CHD1: variants seen among roughly 807,000 people sequenced by gnomAD.
CHD1 encodes chromodomain helicase DNA binding protein 1, also known as ATP-dependent chromatin remodeler CHD1.
A neutral mutation model predicts 224.2 loss-of-function variants in CHD1; 36 were observed. The observed-to-expected ratio is 0.16, with a 90% CI of 0.12 to 0.21. CHD1 has a LOEUF of 0.21. Ranked by LOEUF, CHD1 falls within the 10% of genes least tolerant of loss-of-function variation. CHD1 has a pLI of 1.00. For synonymous variants in CHD1, 668 were observed against 658.3 expected (o/e 1.01, Z -0.23); for missense variants, 1,378 against 1,994.8 (o/e 0.69, Z 5.89).
intron 1 of CHD1, among the ~76,000 whole-genome samples, chr5:98,926,934 A>G (rs992286926): frequency 1.4e-3 from 84 of 60,732 alleles, no homozygotes; most frequent in African/African-American, 2.3e-3. Context: ...GGGGGGTGGG[A>G]GGAGGTTACC....
intron 2 of CHD1, among the ~76,000 whole-genome samples, chr5:98,916,333 T>G (rs1752729223): frequency 6.6e-6 from 1 of 151,584 alleles, no homozygotes; most frequent in South Asian, 2.1e-4. Context: ...ACCACCTGAG[T>G]TCAGGAGTTC....
intron 10 of CHD1, among the ~76,000 whole-genome samples, chr5:98,897,832 A>G (rs569635084): frequency 1.3e-4 from 20 of 152,296 alleles, no homozygotes; most frequent in African/African-American, 4.1e-4. Context: ...ATACTTTCCT[A>G]TATCACTCTC....
Position 98,856,459 on chromosome 5 carries a change from T to C in CHD1, c.5054A>G (p.Tyr1685Cys), listed in dbSNP as rs369337999. The change falls in exon 36 of 36, where the codon TAT (tyrosine) becomes TGT (cysteine). Residue 1685 changes from tyrosine (Y) to cysteine (C), a missense_variant. Physicochemically the swap from Tyr to Cys is radical, Grantham distance 194. Coordinates refer to ENST00000614616, the MANE Select transcript of CHD1 (RefSeq NM_001270.4). ...PRSPLDQRSPYGSRSPFEHSV... is the reference protein window; with the variant it reads ...PRSPLDQRSPCGSRSPFEHSV... ...ATGTTCAAATGGAGATCTGGAGCCA[T>C]AAGGAGATCTCTGATCTAGTGGTGA... 2 of 1,598,236 alleles carry C rather than the reference T, an allele frequency of 1.3e-6. No individual in the cohort carries two copies. Among genetic ancestry groups the C allele is most frequent in the Non-Finnish European group, 1.7e-6 (2 of 1,172,412 alleles).
intron 5 of CHD1, 24 bp from the exon 6 acceptor site, chr5:98,901,359 T>G (rs1276413340): frequency 6.3e-7 from 1 of 1,582,648 alleles, no homozygotes; most frequent in Admixed American, 1.9e-5. Flanking sequence ...TTATAAAGTA[T>G]TTTTATTTGT....
At chr5:98,889,448 G>A (rs555825158) in intron 15 of CHD1, among the ~76,000 whole-genome samples, 1 of 152,100 alleles carries the variant, frequency 6.6e-6, no homozygotes. Flanking sequence ...GCTATACACA[G>A]AACAGGCTAA....
intron 15 of CHD1, 82 bp from the exon 16 acceptor site, chr5:98,889,320 A>T: frequency 9.6e-7 from 1 of 1,043,476 alleles, no homozygotes; most frequent in Non-Finnish European, 1.4e-6. Flanking sequence ...CAAACAAAAA[A>T]AGCCAACGAT....
chr5:98,902,936 T>C lies in CHD1; in HGVS notation c.401A>G (p.Asp134Gly), dbSNP rs1441275831. 2 of 1,605,960 alleles carry C rather than the reference T, an allele frequency of 1.2e-6. No homozygotes were observed. The highest frequency in any genetic ancestry group is 1.3e-5 in the African/African-American group (1 of 74,738). The part of the protein sequence containing the change: ...EDSSSSEDSD[D>G]SSSEVKRKKH... The stretch of plus-strand genomic sequence containing the variant: ...TTTCCTTTTGACCTCACTTGATGAG[T>C]CATCGGAATCTTCACTGCTAGAGGA... Residue 134 changes from aspartate to glycine, a missense_variant, in exon 5 of 36, where the codon GAC becomes GGC. Around this residue, in one of 16 missense-constraint regions of CHD1, gnomAD observed 306 missense variants for 298.1 expected, o/e 1.03. Coordinates refer to ENST00000614616, the MANE Select transcript of CHD1 (RefSeq NM_001270.4).
rs1224106514 is a variant in CHD1, at chr5:98,899,618, A to G, written c.947T>C (p.Ile316Thr). The change falls in exon 8 of 36, where the codon ATT becomes ACT. Residue 316 changes from isoleucine to threonine, a missense_variant. Ile to Thr is a moderately conservative substitution (Grantham distance 89). Coordinates refer to ENST00000614616, the MANE Select transcript of CHD1 (RefSeq NM_001270.4). Reference sequence around the variant, plus strand: ...TCCTTTCCATTTAATTAAATACTGAATCTCTCCTGGTTCTTTGTTTTTTTC... The same window carrying G: ...TCCTTTCCATTTAATTAAATACTGAGTCTCTCCTGGTTCTTTGTTTTTTTC... ...GFEKNKEPGE[I>T]QYLIKWKGWS... is the part of the protein sequence containing the mutation. 6.2e-7 allele frequency: 1 copy of G among 1,613,136 alleles called. No individual in the cohort carries two copies. The highest frequency in any genetic ancestry group is 8.5e-7 in the Non-Finnish European group (1 of 1,179,800).
chr5:98,891,638 C>T lies in CHD1; in HGVS notation c.2180+887G>A, dbSNP rs760611388. Among the ~76,000 whole-genome samples the T allele has an allele frequency of 2.2e-4, 34 of 152,150 alleles. No homozygotes were observed. The Middle Eastern group carries it at 0.01, about 46-fold the overall frequency. On this transcript the variant is annotated intron_variant, in intron 15 of 35. Coordinates refer to ENST00000614616, the MANE Select transcript of CHD1 (RefSeq NM_001270.4). ...TCAGCCTGGCCAGCATGGCAAAACC[C>T]TGTCTCTACTAAAAATAAAAAAATC...
At chr5:98,888,298 G>C in intron 16 of CHD1, 58 bp from the exon 17 acceptor site, 1 of 1,210,970 alleles carries the variant, frequency 8.3e-7, no homozygotes, top group Non-Finnish European at 1.1e-6. Flanking sequence ...AGTTGTCCAC[G>C]TAACACTTTA....
chr5:98,927,798 A>C (rs1488352175), intron 1 of CHD1, among the ~76,000 whole-genome samples: 7 of 151,642 alleles, frequency 4.6e-5, no homozygotes, highest in African/African-American at 7.3e-5. Context: ...TTCTCTGTAC[A>C]TTTTAACTTC....
intron 2 of CHD1, among the ~76,000 whole-genome samples, chr5:98,912,514 T>C (rs1241872381): frequency 1.3e-5 from 2 of 151,754 alleles, no homozygotes; most frequent in African/African-American, 2.4e-5. Context: ...CTACTAAAAA[T>C]ACAAAAATTA....
At chr5:98,903,050 T>G in intron 4 of CHD1, 86 bp from the exon 5 acceptor site, 1 of 708,270 alleles carries the variant, frequency 1.4e-6, no homozygotes, top group South Asian at 2.1e-5. Context: ...CTATTTAACA[T>G]TCACTTTACA....
intron 31 of CHD1, among the ~76,000 whole-genome samples, chr5:98,863,854 T>C (rs775024412): frequency 6.6e-6 from 1 of 152,164 alleles, no homozygotes; most frequent in Admixed American, 6.6e-5. Context: ...TCTACAAAAA[T>C]GGTTATTTTT....
chr5:98,911,484 T>G (rs1126253), intron 2 of CHD1, among the ~76,000 whole-genome samples: 1 of 151,854 alleles, frequency 6.6e-6, no homozygotes, highest in Non-Finnish European at 1.5e-5. Flanking sequence ...TAGGGGAAGT[T>G]TGCTGAGTAG....
At chr5:98,895,764 CA>C (rs1470765470) in intron 12 of CHD1, among the ~76,000 whole-genome samples, 1 of 150,032 alleles carries the variant, frequency 6.7e-6, no homozygotes, top group African/African-American at 2.4e-5. Flanking sequence ...AAAAACCCAC[CA>C]AAAAAACAGT....
intron 13 of CHD1, 95 bp from the exon 14 acceptor site, chr5:98,893,701 AAATT>A (rs1561519630): frequency 1.2e-6 from 1 of 800,800 alleles, no homozygotes; most frequent in Non-Finnish European, 2.0e-6. Context: ...AATGAAATAA[AAATT>A]AAAAACAAAC....
intron 29 of CHD1, among the ~76,000 whole-genome samples, chr5:98,870,124 A>C (rs563601340): frequency 1.0e-3 from 157 of 152,322 alleles, no homozygotes; most frequent in Non-Finnish European, 2.0e-3. Flanking sequence ...AGAGAGAAGT[A>C]GAAACAAATT....
At chr5:98,900,054 G>A (rs559288935) in intron 7 of CHD1, among the ~76,000 whole-genome samples, 26 of 152,086 alleles carry the variant, frequency 1.7e-4, no homozygotes, top group Admixed American at 1.2e-3. Context: ...AGGCCGAGGC[G>A]GGCGGATCAC....
Sources: allele counts gnomAD v4.1 joint callset (sites outside exome capture counted in the v4.1 genomes callset), GRCh38; gene constraint gnomAD v4.1.1; regional missense constraint gnomAD v4.1.1; transcripts MANE v1.5; gene names NCBI Gene and HGNC (gene_info 2026-07-23, HGNC 2026-07-21).